SPARCL1: variants seen among roughly 807,000 people sequenced by gnomAD.
The protein encoded by SPARCL1 is SPARC-like protein 1.
In SPARCL1, 52 loss-of-function variants were observed where a neutral mutation model predicts 67.1. The ratio of observed to expected loss-of-function variants is 0.78; its 90% CI spans 0.62 to 0.98. The LOEUF (loss-of-function observed/expected upper bound fraction) is 0.98. Ranked by LOEUF, SPARCL1 falls within the 50% of genes least tolerant of loss-of-function variation. The probability of loss-of-function intolerance (pLI) is 0.00; values close to 1 mark genes in which losing one functional copy is unlikely to be tolerated. For missense variants in SPARCL1, 717 were observed against 782.4 expected, an observed-to-expected ratio of 0.92 and a Z score of 1.00; for synonymous variants, 226 against 267.8, an observed-to-expected ratio of 0.84 and a Z score of 1.52.
intron 7 of SPARCL1, among the ~76,000 whole-genome samples, chr4:87,488,351 T>C (rs552146283): frequency 6.6e-5 from 10 of 152,330 alleles, no homozygotes; most frequent in Non-Finnish European, 1.2e-4. Context: ...AAGAGGCCCC[T>C]CTGCTGCAGG....
At position 87,492,992 on chromosome 4, in the gene SPARCL1, G is replaced by A. The variant is rs772075643; in HGVS notation, c.1218+590C>T. Among the ~76,000 whole-genome samples, 7 of 152,286 alleles carry A rather than the reference G, an allele frequency of 4.6e-5. No homozygotes were observed. In the South Asian group the frequency reaches 1.2e-3, roughly 27 times the overall value. On this transcript the variant is annotated intron_variant, in intron 4 of 10. Coordinates refer to ENST00000282470, the MANE Select transcript of SPARCL1 (RefSeq NM_004684.6). ...TTGTTGGACACTGGTGATTCAACTC[G>A]AAAACAATATGGCATCTGCTTTCAA...
chr4:87,482,610 A>G (rs986747593), intron 7 of SPARCL1, 50 bp from the exon 8 acceptor site: 2 of 1,606,194 alleles, frequency 1.2e-6, no homozygotes, highest in African/African-American at 2.7e-5. Flanking sequence ...TTTGTGTCCT[A>G]TGGCAAGTCC....
intron 1 of SPARCL1, among the ~76,000 whole-genome samples, chr4:87,500,581 G>A (rs1231146309): frequency 1.3e-5 from 2 of 152,042 alleles, no homozygotes; most frequent in Non-Finnish European, 2.9e-5. Flanking sequence ...AATACTAGAT[G>A]ACTCCTTTAA....
chr4:87,476,737 G>T (rs1407143214), intron 10 of SPARCL1, among the ~76,000 whole-genome samples: 1 of 152,148 alleles, frequency 6.6e-6, no homozygotes, highest in Admixed American at 6.5e-5. Context: ...TAAGGAAAAT[G>T]AGACTCACTG....
chr4:87,484,149 C>T (rs7665919), intron 7 of SPARCL1, among the ~76,000 whole-genome samples: 105,647 of 152,038 alleles, frequency 0.69, 37,879 homozygotes, highest in African/African-American at 0.86. Flanking sequence ...AGTCATGAAG[C>T]CTTTGCCCAT....
chr4:87,477,052 A>G (rs1454263128), intron 10 of SPARCL1, among the ~76,000 whole-genome samples: 1 of 152,220 alleles, frequency 6.6e-6, no homozygotes, highest in East Asian at 1.9e-4. Flanking sequence ...TGGCCAAACC[A>G]CAGTGCACAA....
At chr4:87,478,622 G>A (rs1422268273) in intron 10 of SPARCL1, among the ~76,000 whole-genome samples, 1 of 152,022 alleles carries the variant, frequency 6.6e-6, no homozygotes, top group African/African-American at 2.4e-5. Context: ...ATTTTTGGTA[G>A]AGGCGGGGTT....
In SPARCL1 at chr4:87,473,644, A is replaced by T; in HGVS notation, c.*131T>A. 1.6e-6 allele frequency: 1 copy of T among 608,030 alleles called. No individual in the cohort carries two copies. Among genetic ancestry groups the T allele is most frequent in the Non-Finnish European group, 2.9e-6 (1 of 347,754 alleles). 37.7% of individuals were successfully genotyped at this position (608,030 alleles called of 1,614,324 possible). A position where few individuals can be genotyped will look rare whatever the true frequency, so the allele number is the denominator to read the frequency against. On this transcript the variant is annotated 3_prime_UTR_variant, in exon 11 of 11. Coordinates refer to ENST00000282470, the MANE Select transcript of SPARCL1 (RefSeq NM_004684.6). ...GTGCATAGGTTGTTGTCAAGCAATT[A>T]CTCTCATTGTCTTGTCATACATGCT...
intron 1 of SPARCL1, among the ~76,000 whole-genome samples, chr4:87,520,246 CA>C (rs71667860): frequency 0.08 from 8,438 of 105,000 alleles, 233 homozygotes; most frequent in Non-Finnish European, 0.11. Context: ...GACACTGTCT[CA>C]AAAAAAAAAA....
rs761980542 is a variant in SPARCL1, at chr4:87,482,542, T to C, written c.1550A>G (p.Asp517Gly). The part of the protein sequence containing the change: ...GACKSIPTCT[D>G]FEVIQFPLRM... Reference sequence around the variant, plus strand: ...TAGAGGAAACTGAATCACTTCAAAGTCCGTACAAGTAGGAATAGCTGTTAC... The same window carrying C: ...TAGAGGAAACTGAATCACTTCAAAGCCCGTACAAGTAGGAATAGCTGTTAC... Residue 517 changes from aspartate to glycine, a missense_variant, in exon 8 of 11, where the codon GAC becomes GGC. Coordinates refer to ENST00000282470, the MANE Select transcript of SPARCL1 (RefSeq NM_004684.6). 6.2e-7 allele frequency: 1 copy of C among 1,614,024 alleles called. No homozygotes were observed. Among genetic ancestry groups the C allele is most frequent in the South Asian group, 1.1e-5 (1 of 91,078 alleles).
intron 1 of SPARCL1, among the ~76,000 whole-genome samples, chr4:87,509,600 C>G: frequency 6.6e-6 from 1 of 152,128 alleles, no homozygotes; most frequent in East Asian, 1.9e-4. Context: ...GCAGAAGCAT[C>G]GAGTCTCTAG....
intron 1 of SPARCL1, among the ~76,000 whole-genome samples, chr4:87,515,151 G>A (rs995093446): frequency 2.6e-5 from 4 of 152,178 alleles, no homozygotes; most frequent in Admixed American, 6.5e-5. Context: ...GCTCAAATGC[G>A]TGAGCTTATT....
intron 9 of SPARCL1, 131 bp downstream of exon 9, chr4:87,480,241 A>G: frequency 1.5e-6 from 1 of 648,090 alleles, no homozygotes. Context: ...TAGACTCCTA[A>G]CCAGGCATTT....
chr4:87,481,996 T>C (rs199725498), intron 8 of SPARCL1, among the ~76,000 whole-genome samples: 9 of 152,368 alleles, frequency 5.9e-5, no homozygotes, highest in East Asian at 5.8e-4. Context: ...TTGGAATCAA[T>C]GTTCTGTGCT....
chr4:87,489,974 G>A (rs1174341836), intron 7 of SPARCL1, among the ~76,000 whole-genome samples: 4 of 152,184 alleles, frequency 2.6e-5, no homozygotes, highest in Non-Finnish European at 5.9e-5. Flanking sequence ...TCAACTCTGT[G>A]ATTAAGTGGA....
Position 87,524,419 on chromosome 4 carries a change from AC to A in SPARCL1, c.-12+4625del, listed in dbSNP as rs776358912. Among the ~76,000 whole-genome samples, 260 of 152,276 alleles carry A rather than the reference AC, an allele frequency of 1.7e-3. 2 individuals are homozygous for A. The highest frequency in any genetic ancestry group is 3.4e-3 in the Middle Eastern group (1 of 294). On this transcript the variant is annotated intron_variant, in intron 1 of 10. Transcript: ENST00000282470. The stretch of plus-strand genomic sequence containing the variant: ...ATCTTTTTGAAAAACATAGAAGTTG[AC>A]CCTCCTGGTCTTAAAGTGTGAAACT...
intron 7 of SPARCL1, among the ~76,000 whole-genome samples, chr4:87,484,148 G>A (rs967619348): frequency 6.6e-6 from 1 of 152,098 alleles, no homozygotes; most frequent in Admixed American, 6.6e-5. Context: ...TAGTCATGAA[G>A]CCTTTGCCCA....
At chr4:87,486,506 A>G (rs1433639083) in intron 7 of SPARCL1, among the ~76,000 whole-genome samples, 4 of 152,128 alleles carry the variant, frequency 2.6e-5, no homozygotes. Flanking sequence ...TAGAATAAGT[A>G]CAATGTGGTG....
At chr4:87,500,790 G>T (rs563447044) in intron 1 of SPARCL1, among the ~76,000 whole-genome samples, 1 of 104,378 alleles carries the variant, frequency 9.6e-6, no homozygotes, top group Admixed American at 8.6e-5. Context: ...ACGTACGCGC[G>T]CACGCACATA....
Sources: gnomAD v4.1 joint callset for allele counts (sites outside exome capture counted in the v4.1 genomes callset) on GRCh38, gnomAD v4.1.1 for gene constraint, MANE v1.5 for transcripts, NCBI Gene and HGNC (gene_info 2026-07-23, HGNC 2026-07-21) for gene names.